The following MTX2 variants were observed in gnomAD, a reference collection of about 807,000 sequenced individuals.
The protein encoded by MTX2 is metaxin 2, also known as metaxin-2.
Under a neutral mutation model 42.3 loss-of-function variants are expected in MTX2, and 35 were observed. The observed-to-expected ratio is 0.83, with a 90% confidence interval of 0.63 to 1.10. The LOEUF (loss-of-function observed/expected upper bound fraction) is 1.10. MTX2 is among the 50% of genes least tolerant of loss of function. The probability of loss-of-function intolerance (pLI) is 0.00; values close to 1 mark genes in which losing one functional copy is unlikely to be tolerated. For missense variants in MTX2, 307 were observed against 304.1 expected, an observed-to-expected ratio of 1.01 and a Z score of -0.07; for synonymous variants, 119 against 100.9, an observed-to-expected ratio of 1.18 and a Z score of -1.08.
At chr2:176,298,841 T>C (rs907454435) in intron 3 of MTX2, among the ~76,000 whole-genome samples, 4 of 152,158 alleles carry the variant, frequency 2.6e-5, no homozygotes, top group Non-Finnish European at 5.9e-5. Flanking sequence ...TTAACCCTTT[T>C]AAAATTGCTA....
chr2:176,316,084 G>C (rs559165552), intron 3 of MTX2, among the ~76,000 whole-genome samples: 1 of 152,208 alleles, frequency 6.6e-6, no homozygotes, highest in East Asian at 1.9e-4. Flanking sequence ...ATACATAGTG[G>C]GTGCTCAGTA....
At chr2:176,330,195 G>A (rs901014499) in intron 8 of MTX2, among the ~76,000 whole-genome samples, 6 of 150,816 alleles carry the variant, frequency 4.0e-5, no homozygotes, top group African/African-American at 1.5e-4. Flanking sequence ...AGATTTTTTG[G>A]TATATGCAAA....
intron 4 of MTX2, among the ~76,000 whole-genome samples, chr2:176,323,678 G>C (rs1415955962): frequency 6.6e-6 from 1 of 151,634 alleles, no homozygotes; most frequent in South Asian, 2.1e-4. Flanking sequence ...GGTTACTGAC[G>C]TGTGGAAATG....
Position 176,278,041 on chromosome 2 carries a change from G to GTTTT in MTX2, c.40+8396_40+8399dup, listed in dbSNP as rs59379339. On this transcript the variant is annotated intron_variant, in intron 1 of 9. Coordinates refer to ENST00000249442, the MANE Select transcript of MTX2 (RefSeq NM_006554.5). ...TGTATTGCTGAATAGGTTGAAACTG[G>GTTTT]TTTTTTTTTTTTTTTTTTTTTTTTT... Among the ~76,000 whole-genome samples the GTTTT allele has an allele frequency of 5.9e-4, 50 of 84,838 alleles. 3 individuals carry two copies. The highest frequency in any genetic ancestry group is 1.8e-3 in the African/African-American group (33 of 18,278). 55.7% of individuals were successfully genotyped at this position (84,838 alleles called of 152,430 possible).
intron 1 of MTX2, among the ~76,000 whole-genome samples, chr2:176,272,109 C>T (rs1055790942): frequency 9.2e-5 from 14 of 152,124 alleles, no homozygotes; most frequent in Non-Finnish European, 1.6e-4. Context: ...ATGGATGGAT[C>T]TGGAGGACAT....
chr2:176,276,576 A>C (rs527992139), intron 1 of MTX2, among the ~76,000 whole-genome samples: 1 of 152,122 alleles, frequency 6.6e-6, no homozygotes, highest in East Asian at 1.9e-4. Context: ...GTAAAAGGGG[A>C]TAATATATTT....
intron 1 of MTX2, among the ~76,000 whole-genome samples, chr2:176,286,753 TGGC>T: frequency 6.6e-6 from 1 of 152,102 alleles, no homozygotes; most frequent in Non-Finnish European, 1.5e-5. Flanking sequence ...TTCACCATGT[TGGC>T]CAGGCTGGTC....
At chr2:176,331,129 AT>A (rs1684853436) in intron 9 of MTX2, among the ~76,000 whole-genome samples, 1 of 151,246 alleles carries the variant, frequency 6.6e-6, no homozygotes, top group Non-Finnish European at 1.5e-5. Flanking sequence ...ATCTTTTAAA[AT>A]GTTAATGAAA....
At chr2:176,280,902 A>G (rs1238739563) in intron 1 of MTX2, among the ~76,000 whole-genome samples, 1 of 152,252 alleles carries the variant, frequency 6.6e-6, no homozygotes, top group African/African-American at 2.4e-5. Flanking sequence ...GGGCTGATCC[A>G]GACAGTTGTC....
At chr2:176,316,103 T>C (rs1156608366) in intron 3 of MTX2, among the ~76,000 whole-genome samples, 1 of 152,156 alleles carries the variant, frequency 6.6e-6, no homozygotes, top group African/African-American at 2.4e-5. Flanking sequence ...TATATACATG[T>C]TGAATTTATT....
intron 3 of MTX2, among the ~76,000 whole-genome samples, chr2:176,300,299 C>T (rs1166636135): frequency 1.3e-5 from 2 of 152,150 alleles, no homozygotes; most frequent in East Asian, 1.9e-4. Flanking sequence ...CAATGTTGGC[C>T]ACATTTGTGA....
intron 4 of MTX2, among the ~76,000 whole-genome samples, chr2:176,325,475 A>G (rs562995266): frequency 4.6e-5 from 7 of 151,692 alleles, no homozygotes; most frequent in Admixed American, 1.3e-4. Context: ...TCAGTTGACT[A>G]TCCACACTTC....
chr2:176,323,270 T>C (rs1684627392), intron 3 of MTX2, 122 bp from the exon 4 acceptor site: 1 of 780,072 alleles, frequency 1.3e-6, no homozygotes, highest in Non-Finnish European at 2.1e-6. Flanking sequence ...AATTGGTTCA[T>C]TGTTTTCTAT....
chr2:176,334,447 C>A (rs1684940222), intron 9 of MTX2, among the ~76,000 whole-genome samples: 1 of 151,922 alleles, frequency 6.6e-6, no homozygotes, highest in African/African-American at 2.4e-5. Flanking sequence ...TGCCTCAGCT[C>A]AGCTCCCCAT....
chr2:176,301,631 G>A (rs1684024473), intron 3 of MTX2, among the ~76,000 whole-genome samples: 1 of 152,080 alleles, frequency 6.6e-6, no homozygotes, highest in South Asian at 2.1e-4. Context: ...CAGGAAGTCT[G>A]GATCGACAGT....
chr2:176,331,182 A>G (rs1294364038), intron 9 of MTX2, among the ~76,000 whole-genome samples: 2 of 151,256 alleles, frequency 1.3e-5, no homozygotes, highest in African/African-American at 4.8e-5. Context: ...GATATAGGTT[A>G]AATATATGTG....
At chr2:176,314,936 C>T (rs1684401440) in intron 3 of MTX2, among the ~76,000 whole-genome samples, 1 of 152,162 alleles carries the variant, frequency 6.6e-6, no homozygotes, top group South Asian at 2.1e-4. Context: ...TGCCTGACAT[C>T]TGTAGTTCTT....
chr2:176,329,509 AATAT>A, intron 8 of MTX2, 83 bp downstream of exon 8: 3 of 1,286,836 alleles, frequency 2.3e-6, no homozygotes, highest in East Asian at 2.7e-5. Context: ...CCTTTAAAAA[AATAT>A]ATATAAGATT....
chr2:176,319,799 C>T (rs191848098), intron 3 of MTX2, among the ~76,000 whole-genome samples: 3 of 152,102 alleles, frequency 2.0e-5, no homozygotes, highest in Non-Finnish European at 4.4e-5. Context: ...TGGTCTCAAA[C>T]TCCTGAGCTT....
Sources: gnomAD v4.1 joint callset for allele counts (sites outside exome capture counted in the v4.1 genomes callset) on GRCh38, gnomAD v4.1.1 for gene constraint, MANE v1.5 for transcripts, NCBI Gene and HGNC (gene_info 2026-07-23, HGNC 2026-07-21) for gene names.